Variants in SCLY observed in about 807,000 individuals in gnomAD.
SCLY encodes selenocysteine lyase, also known as putative selenocysteine lyase.
In SCLY, 38 loss-of-function variants were observed where a neutral mutation model predicts 50.1. The ratio of observed to expected loss-of-function variants is 0.76; its 90% confidence interval spans 0.59 to 0.99. The LOEUF is 0.99. Among genes scored for constraint, SCLY ranks in the 50% least tolerant of loss-of-function variants. The probability of loss-of-function intolerance (pLI) is 0.00; values close to 1 mark genes in which losing one functional copy is unlikely to be tolerated. For missense variants in SCLY, 600 were observed against 620.0 expected, an observed-to-expected ratio of 0.97 and a Z score of 0.34; for synonymous variants, 243 against 249.4, an observed-to-expected ratio of 0.97 and a Z score of 0.24.
At chr2:238,061,390 G>A (rs756168069) in intron 1 of SCLY, 1 of 665,698 alleles carries the variant, frequency 1.5e-6, no homozygotes, top group South Asian at 1.5e-5. Context: ...CCAGGGGTGA[G>A]GTTTGCAGGT....
Position 238,068,155 on chromosome 2 carries a change from G to T in SCLY, c.293G>T (p.Gly98Val). ...GKPQDIIFTS[G>V]GTESNNLVIH... ...CCTCAAGATATAATCTTCACTTCCGGGGGCACTGAGGTAAAGCTTCTGAAC... is the reference window on the plus strand; with the variant it reads ...CCTCAAGATATAATCTTCACTTCCGTGGGCACTGAGGTAAAGCTTCTGAAC... Residue 98 changes from glycine (G) to valine (V), a missense_variant, in exon 3 of 12, where the codon GGG becomes GTG. Physicochemically the swap from Gly to Val is moderately radical, Grantham distance 109. Coordinates refer to ENST00000254663, the MANE Select transcript of SCLY (RefSeq NM_016510.7). 6.2e-7 allele frequency: 1 copy of T among 1,606,084 alleles called. No homozygotes were observed. The highest frequency in any genetic ancestry group is 8.5e-7 in the Non-Finnish European group (1 of 1,175,120).
chr2:238,082,670 A>G, intron 6 of SCLY: 1 of 184,014 alleles, frequency 5.4e-6, no homozygotes, highest in Non-Finnish European at 1.2e-5. Context: ...GAGTATGGGG[A>G]AAATAGTTAA....
chr2:238,079,062 C>CTTTT (rs1442785466), intron 4 of SCLY: 2 of 121,298 alleles, frequency 1.6e-5, no homozygotes, highest in Non-Finnish European at 3.3e-5. Flanking sequence ...TTCTTTCTTT[C>CTTTT]TTTTTCTTTT....
chr2:238,061,186 T>C (rs1256559143), intron 1 of SCLY, 43 bp downstream of exon 1: 3 of 1,394,384 alleles, frequency 2.2e-6, no homozygotes, highest in Non-Finnish European at 3.0e-6. Context: ...CCGGCGCCTG[T>C]CGCCGATTGT....
chr2:238,065,650 A>ATT (rs1559241209), intron 2 of SCLY, among the ~76,000 whole-genome samples: 14 of 98,096 alleles, frequency 1.4e-4, no homozygotes, highest in African/African-American at 5.2e-4. Context: ...TTAAACTAAT[A>ATT]ATATTTTATT....
rs1181319229 is a variant in SCLY, at chr2:238,082,099, G to A, written c.667G>A (p.Ala223Thr). ...IKALNQERVA[A>T]GLPPILVHTD... ...AGCCCTGAACCAGGAACGGGTGGCA[G>A]CTGGGCTACCTCCCATCCTCGTGCA... The change falls in exon 6 of 12, where the codon GCT (alanine) becomes ACT (threonine). Residue 223 changes from alanine (A) to threonine (T), a missense_variant. Physicochemically the swap from Ala to Thr is moderately conservative, Grantham distance 58 (BLOSUM62 0). Coordinates refer to ENST00000254663, the MANE Select transcript of SCLY (RefSeq NM_016510.7). 6.2e-7 allele frequency: 1 copy of A among 1,613,776 alleles called. No homozygotes were observed. The highest frequency in any genetic ancestry group is 2.2e-5 in the East Asian group (1 of 44,886).
At chr2:238,073,173 G>C (rs114914110) in intron 4 of SCLY, among the ~76,000 whole-genome samples, 1 of 152,320 alleles carries the variant, frequency 6.6e-6, no homozygotes, top group African/African-American at 2.4e-5. Flanking sequence ...ACCGTAATAT[G>C]TGAGGGTTTA....
chr2:238,093,984 G>T, intron 9 of SCLY, 40 bp downstream of exon 9: 7 of 1,567,530 alleles, frequency 4.5e-6, no homozygotes, highest in Non-Finnish European at 6.1e-6. Flanking sequence ...GGGGGAGGGT[G>T]CGTGGGGCAG....
chr2:238,096,204 G>A (rs191883297), intron 10 of SCLY: 57 of 157,858 alleles, frequency 3.6e-4, no homozygotes, highest in African/African-American at 1.1e-3. Context: ...CACTATGCCC[G>A]GCCTTGGCTA....
chr2:238,069,289 C>T lies in SCLY; in HGVS notation c.304-8C>T, dbSNP rs1307804754. On this transcript the variant is annotated splice_region_variant and splice_polypyrimidine_tract_variant and intron_variant, in intron 3 of 11. Transcript: ENST00000254663. This position sits in a 1 kb window ranked among gnomAD's most constrained non-coding sequence, Gnocchi z 5.0. ...TTTGTAAATGCTTTTTTTGCTGTAT[C>T]TCTGCAGTCAAATAATTTAGTAATC... The T allele has an allele frequency of 2.5e-6, 4 of 1,611,564 alleles. No individual in the cohort carries two copies. In the South Asian group the frequency reaches 4.4e-5, roughly 18 times the overall value.
At chr2:238,077,410 T>C (rs1373459325) in intron 4 of SCLY, among the ~76,000 whole-genome samples, 1 of 152,204 alleles carries the variant, frequency 6.6e-6, no homozygotes, top group East Asian at 1.9e-4. Flanking sequence ...GTTAGAGACA[T>C]ATTGTGGCTA....
intron 1 of SCLY, 45 bp downstream of exon 1, chr2:238,061,188 G>A (rs557565350): frequency 3.6e-6 from 5 of 1,395,848 alleles, no homozygotes; most frequent in East Asian, 5.1e-5. Flanking sequence ...GGCGCCTGTC[G>A]CCGATTGTCC....
intron 6 of SCLY, 126 bp downstream of exon 6, chr2:238,082,335 G>A (rs766734475): frequency 1.1e-5 from 10 of 924,466 alleles, no homozygotes; most frequent in East Asian, 8.0e-5. Flanking sequence ...GAGGAGCAAC[G>A]TGGGATCCTT....
chr2:238,068,333 G>A, intron 3 of SCLY, 168 bp downstream of exon 3: 1 of 500,762 alleles, frequency 2.0e-6, no homozygotes. Context: ...AGGGTTGGTT[G>A]AGCCCAGGAG....
rs779274148 is a variant in SCLY at position 238,083,436 on chromosome 2, T to C, written c.884+82T>C. 3.8e-6 allele frequency: 4 copies of C among 1,060,496 alleles called. No individual in the cohort carries two copies. Among genetic ancestry groups the C allele is most frequent in the Non-Finnish European group, 5.9e-6 (4 of 679,422 alleles). 65.7% of individuals were successfully genotyped at this position (1,060,496 alleles called of 1,614,324 possible). A position where few individuals can be genotyped will look rare whatever the true frequency, so the allele number is the denominator to read the frequency against. On this transcript the variant is annotated intron_variant, in intron 7 of 11. Transcript: ENST00000254663. The surrounding 1 kb of genome is among the most constrained non-coding windows in gnomAD (Gnocchi z 4.3). Reference sequence around the variant, plus strand: ...GTGACATTGTAAAGAAACATGGCGCTGTTTCTTGGTCTCGTGGAGGCTCTG... The same window carrying C: ...GTGACATTGTAAAGAAACATGGCGCCGTTTCTTGGTCTCGTGGAGGCTCTG...
rs969426920 is a variant in SCLY at position 238,067,222 on chromosome 2, A to T, written c.203-843A>T. On this transcript the variant is annotated intron_variant, in intron 2 of 11. Transcript: ENST00000254663. The surrounding 1 kb of genome is among the most constrained non-coding windows in gnomAD (Gnocchi z 4.3). The stretch of plus-strand genomic sequence containing the variant: ...CCACTTAGGTGTTTAGGAAACTACT[A>T]CTAAAACTGACATCTATACAGTAGC... 6.6e-6 allele frequency among the ~76,000 whole-genome samples: 1 copy of T among 152,248 alleles called. No homozygotes were observed. Among genetic ancestry groups the T allele is most frequent in the Non-Finnish European group, 1.5e-5 (1 of 68,038 alleles).
intron 6 of SCLY, chr2:238,082,883 G>T: frequency 6.2e-6 from 2 of 320,116 alleles, no homozygotes; most frequent in Non-Finnish European, 1.3e-5. Context: ...CTGGCCAACC[G>T]CTGGTTCCAA....
At chr2:238,091,971 G>C (rs1360090239) in intron 8 of SCLY, 1 of 152,420 alleles carries the variant, frequency 6.6e-6, no homozygotes, top group African/African-American at 2.4e-5. Flanking sequence ...ACAGAGAAAG[G>C]GCTTAGCGCC....
In SCLY at chr2:238,083,227, A is replaced by C. The variant is rs1007600143; in HGVS notation, c.778-21A>C. On this transcript the variant is annotated intron_variant, in intron 6 of 11. Transcript: ENST00000254663. The surrounding 1 kb of genome is among the most constrained non-coding windows in gnomAD (Gnocchi z 4.3). Reference sequence around the variant, plus strand: ...TCCTTGGAAAGTTCTTGTTGAATAAATGACCAACTTTTCCTTCCAGTTTTA... The same window carrying C: ...TCCTTGGAAAGTTCTTGTTGAATAACTGACCAACTTTTCCTTCCAGTTTTA... 6.4e-7 allele frequency: 1 copy of C among 1,562,656 alleles called. No homozygotes were observed. Among genetic ancestry groups the C allele is most frequent in the Admixed American group, 1.7e-5 (1 of 59,936 alleles).
Sources: gnomAD v4.1 joint callset for allele counts (sites outside exome capture counted in the v4.1 genomes callset) on GRCh38, gnomAD v4.1.1 for gene constraint, Gnocchi (gnomAD v3.1) non-coding constraint, MANE v1.5 for transcripts, NCBI Gene and HGNC (gene_info 2026-07-23, HGNC 2026-07-21) for gene names.